The following PCDH9 variants were observed in gnomAD, a reference collection of about 807,000 sequenced individuals.
The protein encoded by PCDH9 is protocadherin 9.
A neutral mutation model predicts 70.6 loss-of-function variants in PCDH9; 24 were observed. That is an observed-to-expected ratio of 0.34 (90% confidence interval 0.25 to 0.48). The LOEUF (loss-of-function observed/expected upper bound fraction) is 0.48. Ranked by LOEUF, PCDH9 falls within the 20% of genes least tolerant of loss-of-function variation. The pLI is 0.99. For missense variants in PCDH9, 1,281 were observed against 1,503.6 expected (o/e 0.85, Z 2.45); for synonymous variants, 562 against 558.5 (o/e 1.01, Z -0.09).
chr13:67,105,055 A>T (rs143841405), intron 2 of PCDH9, among the ~76,000 whole-genome samples: 2 of 151,902 alleles, frequency 1.3e-5, no homozygotes, highest in Non-Finnish European at 2.9e-5. Context: ...CTGCAGTCAC[A>T]TATCTTGCCA....
At chr13:66,616,645 G>A (rs1299314281) in intron 4 of PCDH9, among the ~76,000 whole-genome samples, 3 of 152,008 alleles carry the variant, frequency 2.0e-5, no homozygotes, top group Non-Finnish European at 4.4e-5. Context: ...CCTGCCAAGT[G>A]ATGGGAATAA....
chr13:67,229,398 AG>A (rs1566516787), intron 1 of PCDH9, among the ~76,000 whole-genome samples: 1 of 152,266 alleles, frequency 6.6e-6, no homozygotes. Context: ...AACATAAAAG[AG>A]AAAAAAAATG....
At chr13:66,689,665 T>C (rs1191041468) in intron 3 of PCDH9, among the ~76,000 whole-genome samples, 1 of 152,190 alleles carries the variant, frequency 6.6e-6, no homozygotes, top group Non-Finnish European at 1.5e-5. Context: ...AGAAATCATA[T>C]AAAACCTGAC....
chr13:67,194,291 T>G (rs1381721379), intron 2 of PCDH9, among the ~76,000 whole-genome samples: 1 of 152,122 alleles, frequency 6.6e-6, no homozygotes, highest in Admixed American at 6.5e-5. Context: ...ATAAAATCAT[T>G]GTCTCCAAAT....
chr13:66,737,613 C>T (rs1039245011), intron 3 of PCDH9, among the ~76,000 whole-genome samples: 1 of 152,180 alleles, frequency 6.6e-6, no homozygotes, highest in Non-Finnish European at 1.5e-5. Flanking sequence ...GAGTGCCAGA[C>T]AGTGGGCGCA....
intron 4 of PCDH9, among the ~76,000 whole-genome samples, chr13:66,602,569 A>G (rs2077176354): frequency 6.8e-6 from 1 of 146,184 alleles, no homozygotes; most frequent in Non-Finnish European, 1.5e-5. Flanking sequence ...CAGCTGTACA[A>G]TGTATCTGTG....
intron 4 of PCDH9, among the ~76,000 whole-genome samples, chr13:66,627,743 C>T (rs2077517422): frequency 6.6e-6 from 1 of 152,126 alleles, no homozygotes; most frequent in African/African-American, 2.4e-5. Context: ...TTGGGCTGCC[C>T]AAGGTTGTGC....
chr13:66,514,586 A>G (rs1335995296), intron 4 of PCDH9, among the ~76,000 whole-genome samples: 2 of 152,032 alleles, frequency 1.3e-5, no homozygotes, highest in Admixed American at 6.6e-5. Flanking sequence ...TAAGTATATT[A>G]TTAAGAATTT....
At chr13:67,053,167 A>C (rs1264033471) in intron 2 of PCDH9, among the ~76,000 whole-genome samples, 1 of 152,188 alleles carries the variant, frequency 6.6e-6, no homozygotes, top group African/African-American at 2.4e-5. Flanking sequence ...TGGGAATTTT[A>C]ATTTCCATCT....
chr13:66,420,311 C>T (rs575666371), intron 4 of PCDH9, among the ~76,000 whole-genome samples: 1 of 152,220 alleles, frequency 6.6e-6, no homozygotes, highest in Non-Finnish European at 1.5e-5. Context: ...CAACACAGCA[C>T]TCGAGCTCTG....
chr13:66,503,538 T>C (rs907040441), intron 4 of PCDH9, among the ~76,000 whole-genome samples: 16 of 152,302 alleles, frequency 1.1e-4, no homozygotes, highest in African/African-American at 3.6e-4. Context: ...TCATTTTTTG[T>C]AAAAGAGAGC....
chr13:66,639,852 C>T (rs2077686172), intron 3 of PCDH9, among the ~76,000 whole-genome samples: 1 of 152,148 alleles, frequency 6.6e-6, no homozygotes, highest in South Asian at 2.1e-4. Context: ...AAGTCCTCAA[C>T]CTATTTCTCA....
intron 3 of PCDH9, among the ~76,000 whole-genome samples, chr13:66,635,704 C>T (rs2077628109): frequency 6.6e-6 from 1 of 152,016 alleles, no homozygotes; most frequent in Admixed American, 6.6e-5. Flanking sequence ...CCAATCATTG[C>T]TTGAATGGTT....
At chr13:67,170,132 A>G (rs1417736796) in intron 2 of PCDH9, among the ~76,000 whole-genome samples, 1 of 152,208 alleles carries the variant, frequency 6.6e-6, no homozygotes, top group African/African-American at 2.4e-5. Flanking sequence ...TATCAGTGCT[A>G]TAGCATTATG....
intron 2 of PCDH9, among the ~76,000 whole-genome samples, chr13:67,043,325 G>A (rs776887653): frequency 6.6e-6 from 1 of 152,250 alleles, no homozygotes; most frequent in Non-Finnish European, 1.5e-5. Flanking sequence ...ATTGTGGCAT[G>A]AAGCAAGCCA....
At chr13:66,879,411 A>C (rs868102699) in intron 3 of PCDH9, among the ~76,000 whole-genome samples, 1 of 152,208 alleles carries the variant, frequency 6.6e-6, no homozygotes, top group Non-Finnish European at 1.5e-5. Context: ...ATGATTAAAA[A>C]AAACAATATG....
chr13:66,518,560 A>C (rs1259345985), intron 4 of PCDH9, among the ~76,000 whole-genome samples: 2 of 152,104 alleles, frequency 1.3e-5, no homozygotes, highest in African/African-American at 4.8e-5. Flanking sequence ...TTTATGGGCA[A>C]GGTAGGGCTG....
At chr13:66,702,246 T>C (rs1308798400) in intron 3 of PCDH9, among the ~76,000 whole-genome samples, 1 of 152,116 alleles carries the variant, frequency 6.6e-6, no homozygotes, top group African/African-American at 2.4e-5. Context: ...AGAATTGAAA[T>C]CTGAGCACTA....
At position 66,898,744 on chromosome 13, in the gene PCDH9, C is replaced by A. The variant is rs200952615; in HGVS notation, c.3138+4760G>T. 2.6e-5 allele frequency among the ~76,000 whole-genome samples: 4 copies of A among 152,004 alleles called. No individual in the cohort carries two copies. In the East Asian group the frequency reaches 7.7e-4, roughly 29 times the overall value. On this transcript the variant is annotated intron_variant, in intron 3 of 4. Coordinates refer to ENST00000377865, the MANE Select transcript of PCDH9 (RefSeq NM_203487.3). The stretch of plus-strand genomic sequence containing the variant: ...TAAGACAAAAGCAAAAGGGTTTTGG[C>A]TTTATATCTTTCCTATTTTATTATT...
Sources: gnomAD v4.1 joint callset for allele counts (sites outside exome capture counted in the v4.1 genomes callset) on GRCh38, gnomAD v4.1.1 for gene constraint, MANE v1.5 for transcripts, NCBI Gene and HGNC (gene_info 2026-07-23, HGNC 2026-07-21) for gene names.